The following MAP4K1 variants were observed in gnomAD, a reference collection of about 807,000 sequenced individuals.
MAP4K1 encodes mitogen-activated protein kinase kinase kinase kinase 1.
In MAP4K1, 35 loss-of-function variants were observed where a neutral mutation model predicts 122.8. The observed-to-expected ratio is 0.29, with a 90% CI of 0.22 to 0.38. The LOEUF is 0.38. MAP4K1 is among the 10% of genes least tolerant of loss of function. MAP4K1 has a pLI of 1.00. For synonymous variants in MAP4K1, 412 were observed against 421.3 expected (o/e 0.98, Z 0.27); for missense variants, 791 against 1,072.6 (o/e 0.74, Z 3.67).
intron 19 of MAP4K1, among the ~76,000 whole-genome samples, chr19:38,604,156 CTT>C (rs1975253877): frequency 8.0e-6 from 1 of 124,788 alleles, no homozygotes; most frequent in African/African-American, 3.0e-5. Context: ...AAAAAAAAGA[CTT>C]TAGAGAGTTC....
At position 38,616,206 on chromosome 19, in the gene MAP4K1, T is replaced by C; in HGVS notation, c.302A>G (p.Asp101Gly). ...MEFCGAGSLQ[D>G]IYQVTGSLSE... ...GTCCTTTCTCTAACCTTGGTAGATG[T>C]CCTGGAGAGAACCAGCCCCACAGAA... Residue 101 changes from aspartate (D) to glycine (G), a missense_variant, in exon 4 of 31, where the codon GAC becomes GGC. By Grantham distance (94) the Asp-to-Gly change is moderately conservative. Around this residue, in one of 4 missense-constraint regions of MAP4K1, gnomAD observed 163 missense variants for 286.1 expected, o/e 0.57. Transcript: ENST00000396857. 1 of 1,613,602 alleles carries C rather than the reference T, an allele frequency of 6.2e-7. No individual in the cohort carries two copies. Among genetic ancestry groups the C allele is most frequent in the Non-Finnish European group, 8.5e-7 (1 of 1,179,880 alleles).
chr19:38,612,650 G>A lies in MAP4K1; in HGVS notation c.626C>T (p.Ala209Val), dbSNP rs1275508777. 1.9e-6 allele frequency: 3 copies of A among 1,613,586 alleles called. No homozygotes were observed. The highest frequency in any genetic ancestry group is 1.3e-5 in the African/African-American group (1 of 74,996). The change falls in exon 9 of 31, where the codon GCC (alanine) becomes GTC (valine). Residue 209 changes from alanine (A) to valine (V), a missense_variant. Coordinates refer to ENST00000396857, the MANE Select transcript of MAP4K1 (RefSeq NM_001042600.3). ...WSLGITAIEL[A>V]ELQPPLFDVH... is the part of the protein sequence containing the mutation. Reference sequence around the variant, plus strand: ...ATCAAAGAGCGGTGGCTGTAGCTCGGCCAGTTCGATGGCCGTGATGCCCAG... The same window carrying A: ...ATCAAAGAGCGGTGGCTGTAGCTCGACCAGTTCGATGGCCGTGATGCCCAG...
intron 22 of MAP4K1, among the ~76,000 whole-genome samples, chr19:38,599,542 A>T (rs1382165854): frequency 6.6e-6 from 1 of 151,928 alleles, no homozygotes; most frequent in East Asian, 1.9e-4. Flanking sequence ...CACACCTGTA[A>T]TTCCAGCTAC....
chr19:38,616,366 C>A (rs565584673), intron 3 of MAP4K1, 107 bp from the exon 4 acceptor site: 1 of 739,390 alleles, frequency 1.4e-6, no homozygotes, highest in Non-Finnish European at 2.2e-6. Flanking sequence ...AGAACTTTAA[C>A]GTAACAGCTC....
chr19:38,602,384 A>C lies in MAP4K1; in HGVS notation c.1447-859T>G, dbSNP rs144580777. Among the ~76,000 whole-genome samples, 703 of 150,904 alleles carry C rather than the reference A, an allele frequency of 4.7e-3. 6 individuals carry two copies. The highest frequency in any genetic ancestry group is 0.016 in the African/African-American group (657 of 41,030). On this transcript the variant is annotated intron_variant, in intron 19 of 30. Transcript: ENST00000396857. ...GCCACTGTGCCTGGCCAGCATATAT[A>C]TATATACACATATACATATATATAT...
chr19:38,607,817 G>A, intron 16 of MAP4K1, 47 bp downstream of exon 16: 2 of 1,595,286 alleles, frequency 1.3e-6, no homozygotes, highest in Non-Finnish European at 1.7e-6. Context: ...GTAGGAAGGT[G>A]GGGGCTGAGG....
chr19:38,610,436 A>T (rs1323375503), intron 11 of MAP4K1, among the ~76,000 whole-genome samples: 1 of 121,540 alleles, frequency 8.2e-6, no homozygotes, highest in African/African-American at 3.3e-5. Context: ...CTCAGACTGG[A>T]GTGCAGTGGC....
intron 19 of MAP4K1, among the ~76,000 whole-genome samples, chr19:38,604,620 C>A (rs946605917): frequency 6.6e-6 from 1 of 151,008 alleles, no homozygotes; most frequent in Non-Finnish European, 1.5e-5. Flanking sequence ...GAAACCCCGT[C>A]TCTACTAAAA....
chr19:38,614,006 C>A, intron 7 of MAP4K1, 37 bp downstream of exon 7: 1 of 1,613,490 alleles, frequency 6.2e-7, no homozygotes, highest in Non-Finnish European at 8.5e-7. Context: ...TCCGGCCCCC[C>A]AGTCAGCCCC....
rs1568624957 is a variant in MAP4K1, at chr19:38,597,029, C to G, written c.1941+5G>C. 4.3e-6 allele frequency: 7 copies of G among 1,613,848 alleles called. No homozygotes were observed. The highest frequency in any genetic ancestry group is 1.6e-4 in the Middle Eastern group (1 of 6,084). On this transcript the variant is annotated splice_donor_5th_base_variant and intron_variant, in intron 25 of 30. Transcript: ENST00000396857. The surrounding 1 kb of genome is among the most constrained non-coding windows in gnomAD (Gnocchi z 4.6). ...GAGTTCCCAGCACCCTCCCAAGCCC[C>G]TTACCCGGACAAGCAGGAATTTGTT...
At chr19:38,610,091 G>C in intron 11 of MAP4K1, 66 bp from the exon 12 acceptor site, 1 of 1,158,598 alleles carries the variant, frequency 8.6e-7, no homozygotes, top group South Asian at 1.2e-5. Flanking sequence ...GGTGTGGACA[G>C]AGAGGACTGG....
chr19:38,610,839 T>C (rs527950743), intron 11 of MAP4K1, among the ~76,000 whole-genome samples: 31 of 152,160 alleles, frequency 2.0e-4, no homozygotes, highest in African/African-American at 7.0e-4. Flanking sequence ...TTTGGGAATT[T>C]GTCAGTTCCG....
Position 38,611,238 on chromosome 19 carries a change from C to G in MAP4K1, c.728+5G>C, listed in dbSNP as rs369340539. On this transcript the variant is annotated splice_donor_5th_base_variant and intron_variant, in intron 10 of 30. Coordinates refer to ENST00000396857, the MANE Select transcript of MAP4K1 (RefSeq NM_001042600.3). Reference sequence around the variant, plus strand: ...CTCACCCTCCCTCCTGTTACTCTCTCGTACCATTTGCCTTTTTCCTTCAGT... The same window carrying G: ...CTCACCCTCCCTCCTGTTACTCTCTGGTACCATTTGCCTTTTTCCTTCAGT... 2 of 1,612,896 alleles carry G rather than the reference C, an allele frequency of 1.2e-6. No individual in the cohort carries two copies. The highest frequency in any genetic ancestry group is 1.7e-6 in the Non-Finnish European group (2 of 1,179,006).
At chr19:38,590,397 ATATATATATAT>A (rs1974688133) in intron 30 of MAP4K1, among the ~76,000 whole-genome samples, 16 of 29,752 alleles carry the variant, frequency 5.4e-4, no homozygotes, top group African/African-American at 2.8e-3. Context: ...AAAAAAAAAT[ATATATATATAT>A]ATATATATAT....
chr19:38,609,495 G>A, intron 13 of MAP4K1, 101 bp downstream of exon 13: 1 of 1,005,248 alleles, frequency 9.9e-7, no homozygotes, highest in Non-Finnish European at 1.5e-6. Flanking sequence ...TATAGGATCA[G>A]ATGATGCTGA....
In MAP4K1 at chr19:38,614,393, G is replaced by C; in HGVS notation, c.366C>G (p.Leu122=). The C allele has an allele frequency of 1.2e-6, 2 of 1,614,204 alleles. No homozygotes were observed. The highest frequency in any genetic ancestry group is 1.7e-6 in the Non-Finnish European group (2 of 1,180,034). ...LQISYVCREV[L]QGLAYLHSQK... ...GAATCCCCAGGCCTCTCCTTACCTGGAGCACTTCCCGGCAGACATAGCTAA... is the reference window on the plus strand; with the variant it reads ...GAATCCCCAGGCCTCTCCTTACCTGCAGCACTTCCCGGCAGACATAGCTAA... The change falls in exon 5 of 31, where the codon CTC becomes CTG. Residue 122 remains leucine, a synonymous_variant. Transcript: ENST00000396857.
At chr19:38,612,580 C>T (rs1204540160) in intron 9 of MAP4K1, 31 bp downstream of exon 9, 1 of 1,603,716 alleles carries the variant, frequency 6.2e-7, no homozygotes, top group Admixed American at 1.7e-5. Flanking sequence ...TAGACAGGAT[C>T]TCTGGGCCTG....
At chr19:38,588,349 TA>T (rs1457716084) in intron 30 of MAP4K1, among the ~76,000 whole-genome samples, 1 of 152,074 alleles carries the variant, frequency 6.6e-6, no homozygotes, top group Non-Finnish European at 1.5e-5. Context: ...AGGGGCTACT[TA>T]AAGTGGTTCC....
chr19:38,596,939 G>T, intron 25 of MAP4K1, 95 bp downstream of exon 25: 1 of 1,202,510 alleles, frequency 8.3e-7, no homozygotes, highest in Non-Finnish European at 1.2e-6. Context: ...CTCGACGGAG[G>T]TGGGGCTTCA....
Sources: allele counts gnomAD v4.1 joint callset (sites outside exome capture counted in the v4.1 genomes callset), GRCh38; gene constraint gnomAD v4.1.1; regional missense constraint gnomAD v4.1.1; non-coding constraint Gnocchi (gnomAD v3.1); transcripts MANE v1.5; gene names NCBI Gene and HGNC (gene_info 2026-07-23, HGNC 2026-07-21).